The following FKBP14 variants were observed in gnomAD, a reference collection of about 807,000 sequenced individuals.
FKBP14 encodes the protein FKBP prolyl isomerase 14.
Under a neutral mutation model 21.6 loss-of-function variants are expected in FKBP14, and 20 were observed. The observed-to-expected ratio is 0.92, with a 90% CI of 0.65 to 1.34. FKBP14 has a LOEUF of 1.34. Among genes scored for constraint, FKBP14 ranks in the 40% most tolerant of loss-of-function variants. The probability of loss-of-function intolerance (pLI) is 0.00; values close to 1 mark genes in which losing one functional copy is unlikely to be tolerated. For missense variants in FKBP14, 253 were observed against 249.0 expected (o/e 1.02, Z -0.11); for synonymous variants, 79 against 86.7 (o/e 0.91, Z 0.49).
intron 3 of FKBP14, among the ~76,000 whole-genome samples, chr7:30,015,846 C>T (rs112326968): frequency 1.4e-3 from 207 of 152,090 alleles, no homozygotes; most frequent in African/African-American, 4.8e-3. Flanking sequence ...AGGATGGTCT[C>T]GATCTCCTGA....
chr7:30,010,252 C>A (rs193099140), downstream of FKBP14, among the ~76,000 whole-genome samples: 63 of 152,152 alleles, frequency 4.1e-4, 1 homozygote, highest in African/African-American at 1.4e-3. Flanking sequence ...CGATAAAACC[C>A]TAAACCAAAA....
At chr7:30,022,937 CT>C (rs1790075446) in intron 1 of FKBP14, 121 bp from the exon 2 acceptor site, 1 of 864,284 alleles carries the variant, frequency 1.2e-6, no homozygotes, top group Admixed American at 2.9e-5. Context: ...TACAGCAATT[CT>C]GTATTTGCAC....
At chr7:30,022,177 A>ATAT (rs1790047394) in intron 2 of FKBP14, among the ~76,000 whole-genome samples, 1 of 152,224 alleles carries the variant, frequency 6.6e-6, no homozygotes, top group Admixed American at 6.5e-5. Context: ...CAATACTTTA[A>ATAT]TAATCTATAT....
chr7:30,006,069 A>G (rs1789607867), downstream of FKBP14, among the ~76,000 whole-genome samples: 1 of 151,452 alleles, frequency 6.6e-6, no homozygotes, highest in Non-Finnish European at 1.5e-5. Context: ...ACATACACAC[A>G]CCATATGTAC....
At chr7:30,007,050 T>C (rs746923142), downstream of FKBP14, among the ~76,000 whole-genome samples, 3 of 152,214 alleles carry the variant, frequency 2.0e-5, no homozygotes, top group Non-Finnish European at 2.9e-5. Flanking sequence ...CAGGATGCTT[T>C]GTACACTGAT....
At chr7:30,006,336 A>G (rs1026154593), downstream of FKBP14, among the ~76,000 whole-genome samples, 4 of 151,978 alleles carry the variant, frequency 2.6e-5, no homozygotes, top group Admixed American at 2.6e-4. Flanking sequence ...TATGTTGCCC[A>G]GGCTGGTCTC....
At chr7:30,024,922 T>A (rs1179451240) in intron 1 of FKBP14, among the ~76,000 whole-genome samples, 1 of 152,184 alleles carries the variant, frequency 6.6e-6, no homozygotes, top group Non-Finnish European at 1.5e-5. Context: ...TATAACTGAA[T>A]TTTCAAAATG....
chr7:30,012,151 A>C lies in FKBP14; in HGVS notation c.*2584T>G, dbSNP rs1005879060. 1 of 152,246 alleles carries C rather than the reference A, an allele frequency of 6.6e-6. No individual in the cohort carries two copies. Among genetic ancestry groups the C allele is most frequent in the African/African-American group, 2.4e-5 (1 of 41,462 alleles). The allele number at this position is 152,246 out of a possible 1,614,324, so 9.4% of individuals were successfully genotyped here. A position where few individuals can be genotyped will look rare whatever the true frequency, so the allele number is the denominator to read the frequency against. ...ATCATTAAGTGAGGTATGACTGTAC[A>C]TGTGAAGTCACAGTTCATGTCTGAT... is the stretch of plus-strand genomic sequence containing the variant. On this transcript the variant is annotated 3_prime_UTR_variant, in exon 4 of 4. Coordinates refer to ENST00000222803, the MANE Select transcript of FKBP14 (RefSeq NM_017946.4).
intron 3 of FKBP14, among the ~76,000 whole-genome samples, chr7:30,015,750 C>A (rs1163301983): frequency 2.6e-5 from 4 of 151,102 alleles, no homozygotes; most frequent in Admixed American, 2.6e-4. Flanking sequence ...CTCAGCCTCC[C>A]GAGTAGCTGG....
In FKBP14 at chr7:30,012,485, G is replaced by C. The variant is rs1339976993; in HGVS notation, c.*2250C>G. On this transcript the variant is annotated 3_prime_UTR_variant, in exon 4 of 4. Transcript: ENST00000222803. Reference sequence around the variant, plus strand: ...TATTATGGCTTAAAACATTAGCAATGACTTAATAGTTTTCAACATACAGCT... The same window carrying C: ...TATTATGGCTTAAAACATTAGCAATCACTTAATAGTTTTCAACATACAGCT... The C allele has an allele frequency of 6.6e-6, 1 of 152,198 alleles. No individual in the cohort carries two copies. Among genetic ancestry groups the C allele is most frequent in the Middle Eastern group, 3.2e-3 (1 of 316 alleles). The allele number at this position is 152,198 out of a possible 1,614,324, so 9.4% of individuals were successfully genotyped here. A position where few individuals can be genotyped will look rare whatever the true frequency, so the allele number is the denominator to read the frequency against.
At chr7:30,006,116 CTTT>C (rs67895228), downstream of FKBP14, among the ~76,000 whole-genome samples, 164 of 110,290 alleles carry the variant, frequency 1.5e-3, no homozygotes, top group Middle Eastern at 9.3e-3. Context: ...TTAGGATAGT[CTTT>C]TTTTTTTTTT....
rs1243172891 is a variant in FKBP14 at position 30,011,577 on chromosome 7, ATATATATATATATAG to A, written c.*3143_*3157del. On this transcript the variant is annotated 3_prime_UTR_variant, in exon 4 of 4. Transcript: ENST00000222803. The stretch of plus-strand genomic sequence containing the variant: ...TATATATATATACCATATATATGGT[ATATATATATATATAG>A]TATATATATATATATATATTTTTTT... 9.5e-5 allele frequency: 9 copies of A among 94,700 alleles called. No homozygotes were observed. Among genetic ancestry groups the A allele is most frequent in the East Asian group, 7.6e-4 (3 of 3,962 alleles). 5.9% of individuals were successfully genotyped at this position (94,700 alleles called of 1,614,324 possible).
In FKBP14 at chr7:30,026,566, T is replaced by C. The variant is rs550940041; in HGVS notation, c.-58A>G. On this transcript the variant is annotated 5_prime_UTR_variant, in exon 1 of 4. The change abolishes an upstream ATG in the 5' untranslated region. Transcript: ENST00000222803. ...AGCAGCGAAAGGTCCCTCGACTTCA[T>C]AGATTTAAGAACGTAGTTCAAGGCT... 23 of 1,509,244 alleles carry C rather than the reference T, an allele frequency of 1.5e-5. No individual in the cohort carries two copies. In the African/African-American group the frequency reaches 2.0e-4, roughly 13 times the overall value. The allele number at this position is 1,509,244 out of a possible 1,614,324, so 93.5% of individuals were successfully genotyped here. A position where few individuals can be genotyped will look rare whatever the true frequency, so the allele number is the denominator to read the frequency against.
At chr7:30,024,897 G>C (rs751510481) in intron 1 of FKBP14, among the ~76,000 whole-genome samples, 3 of 152,200 alleles carry the variant, frequency 2.0e-5, no homozygotes, top group Admixed American at 6.5e-5. Flanking sequence ...AAAGAGATCA[G>C]ACTAAAAATA....
chr7:30,015,083 C>A (rs1368190055), intron 3 of FKBP14, among the ~76,000 whole-genome samples, 190 bp from the exon 4 acceptor site: 1 of 152,086 alleles, frequency 6.6e-6, no homozygotes, highest in African/African-American at 2.4e-5. Flanking sequence ...CTTAAAAAAA[C>A]TGTTGCTAAA....
chr7:30,009,626 T>G (rs1789677365), downstream of FKBP14, among the ~76,000 whole-genome samples: 1 of 152,020 alleles, frequency 6.6e-6, no homozygotes, highest in Non-Finnish European at 1.5e-5. Flanking sequence ...TTCCAAACAC[T>G]GAGAAATCAC....
At position 30,011,757 on chromosome 7, in the gene FKBP14, T is replaced by C. The variant is rs565533036; in HGVS notation, c.*2978A>G. 4.6e-5 allele frequency: 7 copies of C among 152,032 alleles called. No homozygotes were observed. The highest frequency in any genetic ancestry group is 1.7e-4 in the African/African-American group (7 of 41,456). The allele number at this position is 152,032 out of a possible 1,614,324, so 9.4% of individuals were successfully genotyped here. On this transcript the variant is annotated 3_prime_UTR_variant, in exon 4 of 4. Transcript: ENST00000222803. ...TTTTAGCAGAGACGGGGTTTCGCCA[T>C]GTTGCCCAGGCTGGTCTTGAGCTTC... is the stretch of plus-strand genomic sequence containing the variant.
chr7:30,023,137 C>G (rs1790079765), intron 1 of FKBP14, among the ~76,000 whole-genome samples: 1 of 152,146 alleles, frequency 6.6e-6, no homozygotes, highest in Non-Finnish European at 1.5e-5. Context: ...CCTCTTAACC[C>G]TTACAATAAG....
At chr7:30,007,212 T>TTG (rs1491404137), downstream of FKBP14, among the ~76,000 whole-genome samples, 1 of 262 alleles carries the variant, frequency 3.8e-3, no homozygotes, top group African/African-American at 8.6e-3. Flanking sequence ...AGTTCCTTTG[T>TTG]TTTTTTTTTT....
Sources: gnomAD v4.1 joint callset for allele counts (sites outside exome capture counted in the v4.1 genomes callset) on GRCh38, gnomAD v4.1.1 for gene constraint, MANE v1.5 for transcripts, NCBI Gene and HGNC (gene_info 2026-07-23, HGNC 2026-07-21) for gene names.